Variants in SERPINE2 observed in about 807,000 individuals in gnomAD.
SERPINE2 encodes the protein glia-derived nexin.
In SERPINE2, 14 loss-of-function variants were observed where a neutral mutation model predicts 36.3. The observed-to-expected ratio is 0.39, with a 90% CI of 0.25 to 0.60. The LOEUF is 0.60. SERPINE2 is among the 20% of genes least tolerant of loss of function. The probability of loss-of-function intolerance (pLI) is 0.57; values close to 1 mark genes in which losing one functional copy is unlikely to be tolerated. For synonymous variants in SERPINE2, 192 were observed against 191.8 expected (o/e 1.00, Z -0.01); for missense variants, 418 against 499.6 (o/e 0.84, Z 1.56).
intron 3 of SERPINE2, among the ~76,000 whole-genome samples, chr2:223,992,481 CTGTATGT>C (rs137915643): frequency 0.24 from 37,204 of 151,960 alleles, 5,158 homozygotes; most frequent in South Asian, 0.39. Flanking sequence ...ACACTTCAGC[CTGTATGT>C]TATTAAGGGT....
At chr2:224,035,843 G>T (rs1276728815) in intron 1 of SERPINE2, among the ~76,000 whole-genome samples, 1 of 152,204 alleles carries the variant, frequency 6.6e-6, no homozygotes. Flanking sequence ...AGCAAGGCAA[G>T]GCCAGCGTGA....
chr2:224,014,530 A>C (rs1691732852), intron 1 of SERPINE2, among the ~76,000 whole-genome samples: 1 of 152,196 alleles, frequency 6.6e-6, no homozygotes, highest in Non-Finnish European at 1.5e-5. Flanking sequence ...CAGAGGGATC[A>C]TTGTGTGGCG....
At chr2:224,012,602 CA>C (rs35279856) in intron 1 of SERPINE2, among the ~76,000 whole-genome samples, 106,341 of 135,480 alleles carry the variant, frequency 0.78, 41,243 homozygotes, top group Non-Finnish European at 0.87. Flanking sequence ...GACTCCATCC[CA>C]AAAAAAAAAA....
At chr2:224,018,996 C>G (rs545439396) in intron 1 of SERPINE2, among the ~76,000 whole-genome samples, 1 of 152,142 alleles carries the variant, frequency 6.6e-6, no homozygotes, top group East Asian at 1.9e-4. Context: ...CATGCTCTTG[C>G]AAGAAAATTC....
At chr2:223,979,723 C>T (rs1261817209) in intron 7 of SERPINE2, 1 of 152,194 alleles carries the variant, frequency 6.6e-6, no homozygotes, top group East Asian at 1.9e-4. Context: ...CAGATGCTGG[C>T]GAATTCTTCG....
At chr2:224,031,565 G>T in intron 1 of SERPINE2, 2 of 933,384 alleles carry the variant, frequency 2.1e-6, no homozygotes, top group Non-Finnish European at 2.6e-6. Flanking sequence ...GTGACCACGT[G>T]ACCTAGCATC....
rs373150361 is a variant in SERPINE2 at position 224,021,727 on chromosome 2, A to G, written c.-23+17372T>C. ...AAACCATAACCAAAGAATTAAAAGT[A>G]TCTGAATTTAAAGTTAAGGCGGGTA... On this transcript the variant is annotated intron_variant, in intron 1 of 8. Transcript: ENST00000409304. 9.8e-5 allele frequency among the ~76,000 whole-genome samples: 15 copies of G among 152,326 alleles called. No individual in the cohort carries two copies. The East Asian group carries it at 2.7e-3, about 27-fold the overall frequency.
chr2:224,029,028 C>G (rs1692276513), intron 1 of SERPINE2, among the ~76,000 whole-genome samples: 1 of 152,208 alleles, frequency 6.6e-6, no homozygotes, highest in African/African-American at 2.4e-5. Context: ...TAAATTAATT[C>G]AAATTAGTAT....
intron 3 of SERPINE2, among the ~76,000 whole-genome samples, chr2:223,994,897 T>C (rs1351627633): frequency 6.6e-6 from 1 of 152,256 alleles, no homozygotes; most frequent in Admixed American, 6.5e-5. Context: ...CAGACGAGAA[T>C]GCTGATGCAA....
intron 4 of SERPINE2, among the ~76,000 whole-genome samples, chr2:223,989,076 A>T (rs4674835): frequency 0.57 from 86,726 of 152,104 alleles, 25,991 homozygotes; most frequent in Non-Finnish European, 0.68. Context: ...TCTGCCATAT[A>T]TATTGTACAT....
chr2:224,031,552 C>A, intron 1 of SERPINE2: 1 of 968,956 alleles, frequency 1.0e-6, no homozygotes, highest in Non-Finnish European at 1.2e-6. Flanking sequence ...CACGGAAGGG[C>A]ATGTGACCAC....
intron 1 of SERPINE2, among the ~76,000 whole-genome samples, chr2:224,003,040 G>A (rs765459447): frequency 9.2e-5 from 14 of 152,064 alleles, no homozygotes; most frequent in Non-Finnish European, 1.8e-4. Context: ...ATGAGGGGCC[G>A]GCAGGGTGCG....
At chr2:223,999,129 G>A (rs906327709) in intron 2 of SERPINE2, among the ~76,000 whole-genome samples, 2 of 151,992 alleles carry the variant, frequency 1.3e-5, no homozygotes, top group Non-Finnish European at 1.5e-5. Context: ...AATAAAATAA[G>A]CATTAGAAAG....
At chr2:223,986,588 G>A (rs1349487158) in intron 4 of SERPINE2, among the ~76,000 whole-genome samples, 1 of 152,148 alleles carries the variant, frequency 6.6e-6, no homozygotes, top group East Asian at 1.9e-4. Flanking sequence ...TGTGAAATAT[G>A]GGAAGTGGTT....
chr2:223,977,430 C>T, intron 8 of SERPINE2, 114 bp downstream of exon 8: 2 of 727,682 alleles, frequency 2.7e-6, no homozygotes, highest in Non-Finnish European at 5.0e-6. Context: ...GTGTCTGCAA[C>T]TATTGACATT....
Position 223,998,206 on chromosome 2 carries a change from A to G in SERPINE2, c.396T>C (p.Asp132=). ...CATTCCGGACCTCACACTGGAACAC[A>G]TCTTTGTTCCTTGTAACAAAAGGCA... ...IEVPFVTRNK[D]VFQCEVRNVN... Residue 132 remains aspartate (D), a synonymous_variant, in exon 3 of 9, where the codon GAT becomes GAC. Transcript: ENST00000409304. 1 of 1,614,222 alleles carries G rather than the reference A, an allele frequency of 6.2e-7. No individual in the cohort carries two copies. Among genetic ancestry groups the G allele is most frequent in the South Asian group, 1.1e-5 (1 of 91,082 alleles).
chr2:224,003,105 G>A (rs553376820), intron 1 of SERPINE2, among the ~76,000 whole-genome samples: 4 of 152,258 alleles, frequency 2.6e-5, no homozygotes, highest in South Asian at 2.1e-4. Flanking sequence ...CAGGAACATC[G>A]TGATGAGACC....
chr2:224,013,832 G>T (rs1248099553), intron 1 of SERPINE2: 1 of 152,302 alleles, frequency 6.6e-6, no homozygotes, highest in Non-Finnish European at 1.5e-5. Flanking sequence ...CAGCTGCCCA[G>T]TCACTCAGCC....
chr2:223,979,428 C>A (rs1185453955), intron 7 of SERPINE2: 1 of 152,116 alleles, frequency 6.6e-6, no homozygotes, highest in African/African-American at 2.4e-5. Flanking sequence ...ATTTTTAAAA[C>A]GTTTATTCGA....
Sources: gnomAD v4.1 joint callset for allele counts (sites outside exome capture counted in the v4.1 genomes callset) on GRCh38, gnomAD v4.1.1 for gene constraint, MANE v1.5 for transcripts, NCBI Gene and HGNC (gene_info 2026-07-23, HGNC 2026-07-21) for gene names.